The following PTPRT variants were observed in gnomAD, a reference collection of about 807,000 sequenced individuals.
The protein encoded by PTPRT is protein tyrosine phosphatase receptor type T, also known as receptor-type tyrosine-protein phosphatase T.
In PTPRT, 56 loss-of-function variants were observed where a neutral mutation model predicts 176.8. That is an observed-to-expected ratio of 0.32 (90% CI 0.26 to 0.40). PTPRT has a LOEUF of 0.40. PTPRT is among the 10% of genes least tolerant of loss of function. The pLI is 1.00. For missense variants in PTPRT, 1,540 were observed against 1,908.2 expected, an observed-to-expected ratio of 0.81 and a Z score of 3.60; for synonymous variants, 783 against 739.0, an observed-to-expected ratio of 1.06 and a Z score of -0.96.
intron 1 of PTPRT, among the ~76,000 whole-genome samples, chr20:42,897,154 ACATT>A (rs1290767209): frequency 6.6e-6 from 1 of 152,200 alleles, no homozygotes. Flanking sequence ...CCAATGTCAT[ACATT>A]CATGGACTCA....
At chr20:42,724,283 T>C (rs2076345243) in intron 6 of PTPRT, among the ~76,000 whole-genome samples, 1 of 152,208 alleles carries the variant, frequency 6.6e-6, no homozygotes, top group Admixed American at 6.5e-5. Context: ...TTGTTTCAAT[T>C]ATTCTGTTTG....
At chr20:42,462,852 C>A (rs1289231256) in intron 8 of PTPRT, among the ~76,000 whole-genome samples, 1 of 152,152 alleles carries the variant, frequency 6.6e-6, no homozygotes, top group African/African-American at 2.4e-5. Context: ...GTGCTACAGC[C>A]TCTGTAGCGA....
intron 1 of PTPRT, among the ~76,000 whole-genome samples, chr20:42,928,086 T>A (rs1979602090): frequency 6.6e-6 from 1 of 152,116 alleles, no homozygotes; most frequent in South Asian, 2.1e-4. Flanking sequence ...AAGGTGAAGG[T>A]TGCTTTCCCA....
chr20:42,412,451 T>G (rs908069230), intron 9 of PTPRT, among the ~76,000 whole-genome samples: 3 of 152,206 alleles, frequency 2.0e-5, no homozygotes, highest in African/African-American at 7.2e-5. Flanking sequence ...TGACTGGGAC[T>G]CTTCGATACA....
At chr20:42,831,635 C>A (rs950793012) in intron 2 of PTPRT, among the ~76,000 whole-genome samples, 1 of 152,086 alleles carries the variant, frequency 6.6e-6, no homozygotes, top group Non-Finnish European at 1.5e-5. Flanking sequence ...ATGCATCTGA[C>A]AACAGTATAA....
At chr20:42,106,199 G>C (rs1237919145) in intron 24 of PTPRT, among the ~76,000 whole-genome samples, 11 of 152,190 alleles carry the variant, frequency 7.2e-5, no homozygotes, top group Admixed American at 7.2e-4. Context: ...ATGCTGCCTG[G>C]CTCACAGTAG....
chr20:43,090,917 G>A (rs1166296684), intron 1 of PTPRT, among the ~76,000 whole-genome samples: 14 of 152,126 alleles, frequency 9.2e-5, no homozygotes, highest in African/African-American at 2.4e-5. Flanking sequence ...GTGCCGAACA[G>A]GATAAATGAA....
chr20:43,107,130 C>G lies in PTPRT; in HGVS notation c.88+82516G>C, dbSNP rs2012650279. ...TTAAACATTTTTCTAATTGTTTCTA[C>G]TTAAACAGATGAAAGAATATAAACT... On this transcript the variant is annotated intron_variant, in intron 1 of 30. Coordinates refer to ENST00000373187, the MANE Select transcript of PTPRT (RefSeq NM_007050.6). 2.0e-5 allele frequency among the ~76,000 whole-genome samples: 3 copies of G among 152,260 alleles called. 1 individual carries two copies. In the South Asian group the frequency reaches 6.2e-4, roughly 32 times the overall value.
intron 2 of PTPRT, among the ~76,000 whole-genome samples, chr20:42,857,184 T>C (rs8126046): frequency 0.043 from 6,584 of 152,312 alleles, 391 homozygotes; most frequent in African/African-American, 0.14. Context: ...AGTCATTTTA[T>C]TTATCTGAAC....
intron 7 of PTPRT, among the ~76,000 whole-genome samples, chr20:42,575,938 G>A (rs568118757): frequency 6.6e-6 from 1 of 152,200 alleles, no homozygotes; most frequent in Admixed American, 6.5e-5. Context: ...CAGCCAGAGT[G>A]AGCATATAAA....
intron 6 of PTPRT, among the ~76,000 whole-genome samples, chr20:42,682,492 A>G (rs1204984102): frequency 6.6e-6 from 1 of 152,226 alleles, no homozygotes; most frequent in Non-Finnish European, 1.5e-5. Flanking sequence ...GAGGCTTTTC[A>G]CTTCTAACAC....
chr20:43,159,526 G>A (rs76711919), intron 1 of PTPRT, among the ~76,000 whole-genome samples: 3,243 of 152,308 alleles, frequency 0.021, 119 homozygotes, highest in African/African-American at 0.073. Flanking sequence ...AGCACCTGGC[G>A]TGATGCCTGC....
intron 1 of PTPRT, among the ~76,000 whole-genome samples, chr20:42,991,312 T>C (rs1179033889): frequency 6.6e-6 from 1 of 152,114 alleles, no homozygotes; most frequent in East Asian, 1.9e-4. Flanking sequence ...GGATAGTAAG[T>C]ATTTTTGGGT....
In PTPRT at chr20:42,914,780, T is replaced by G. The variant is rs1978625817; in HGVS notation, c.89-28848A>C. Among the ~76,000 whole-genome samples, 4 of 151,916 alleles carry G rather than the reference T, an allele frequency of 2.6e-5. No homozygotes were observed. The South Asian group carries it at 8.3e-4, about 32-fold the overall frequency. On this transcript the variant is annotated intron_variant, in intron 1 of 30. Coordinates refer to ENST00000373187, the MANE Select transcript of PTPRT (RefSeq NM_007050.6). ...CATAAGGGATAAGTGGATAGGGGTA[T>G]GGGTGAAACAAAATTGGCCATGAGG...
chr20:42,091,806 G>T (rs927276525), intron 27 of PTPRT, among the ~76,000 whole-genome samples: 2 of 152,006 alleles, frequency 1.3e-5, no homozygotes, highest in Non-Finnish European at 2.9e-5. Flanking sequence ...GGAGAGAGAG[G>T]GGGGAGAGAG....
At chr20:42,656,292 C>A (rs1460754928) in intron 7 of PTPRT, among the ~76,000 whole-genome samples, 1 of 152,032 alleles carries the variant, frequency 6.6e-6, no homozygotes, top group African/African-American at 2.4e-5. Context: ...AAATTCAGAG[C>A]CTGCCTAAGC....
intron 2 of PTPRT, among the ~76,000 whole-genome samples, chr20:42,829,268 T>C (rs2078049140): frequency 6.6e-6 from 1 of 152,170 alleles, no homozygotes; most frequent in African/African-American, 2.4e-5. Flanking sequence ...TTGGAATGGG[T>C]GTATTTACCC....
At chr20:42,639,155 C>G (rs893191806) in intron 7 of PTPRT, among the ~76,000 whole-genome samples, 1 of 152,134 alleles carries the variant, frequency 6.6e-6, no homozygotes, top group Admixed American at 6.6e-5. Context: ...CTACAAGGAG[C>G]CTATTTTAGT....
intron 11 of PTPRT, among the ~76,000 whole-genome samples, chr20:42,348,397 T>TATTTATTTATTG (rs1555830118): frequency 4.0e-5 from 6 of 151,762 alleles, no homozygotes; most frequent in Non-Finnish European, 7.4e-5. Flanking sequence ...TTTATTTATT[T>TATTTATTTATTG]ATTTATTTTT....
Sources: allele counts gnomAD v4.1 joint callset (sites outside exome capture counted in the v4.1 genomes callset), GRCh38; gene constraint gnomAD v4.1.1; transcripts MANE v1.5; gene names NCBI Gene and HGNC (gene_info 2026-07-23, HGNC 2026-07-21).